The following ANO8 variants were observed in gnomAD, a reference collection of about 807,000 sequenced individuals.
ANO8 encodes anoctamin-8.
ANO8 carries 67 observed loss-of-function variants against 120.4 expected under a neutral mutation model. That is an observed-to-expected ratio of 0.56 (90% CI 0.46 to 0.68). The LOEUF (loss-of-function observed/expected upper bound fraction) is 0.68, where lower values mean the gene tolerates loss of function less well. ANO8 is among the 30% of genes least tolerant of loss of function. The pLI is 0.00. For missense variants in ANO8, 1,526 were observed against 1,737.6 expected (o/e 0.88, Z 2.16); for synonymous variants, 727 against 759.2 (o/e 0.96, Z 0.70).
Position 17,323,377 on chromosome 19 carries a change from G to T in ANO8, c.*140C>A. 3 of 666,840 alleles carry T rather than the reference G, an allele frequency of 4.5e-6. No homozygotes were observed. The highest frequency in any genetic ancestry group is 6.5e-6 in the Non-Finnish European group (3 of 463,520). 41.3% of individuals were successfully genotyped at this position (666,840 alleles called of 1,614,324 possible). ...TGGATTTGTGGGTTTCCTTTCGTTT[G>T]GAAAGGAAAACGGCAGATGGGGGGC... On this transcript the variant is annotated 3_prime_UTR_variant, in exon 18 of 18. Transcript: ENST00000159087.
At chr19:17,326,418 C>T (rs1046137260) in intron 16 of ANO8, among the ~76,000 whole-genome samples, 51 of 152,078 alleles carry the variant, frequency 3.4e-4, no homozygotes, top group African/African-American at 1.2e-3. Flanking sequence ...ATTGCTTAAA[C>T]CTGGGAGGTG....
rs772744211 is a variant in ANO8 at position 17,330,337 on chromosome 19, G to C, written c.1146+15C>G. ...AGGTACCAAGGACAGGGCGGGTGAG[G>C]GTATGGGGGGTCACCTGCAGCTGGA... On this transcript the variant is annotated intron_variant, in intron 9 of 17. Transcript: ENST00000159087. 16 of 1,606,432 alleles carry C rather than the reference G, an allele frequency of 1.0e-5. No individual in the cohort carries two copies. In the Admixed American group the frequency reaches 2.5e-4, roughly 25 times the overall value.
rs531235834 is a variant in ANO8, at chr19:17,323,298, ATAAT to A, written c.*215_*218del. 351 of 321,860 alleles carry A rather than the reference ATAAT, an allele frequency of 1.1e-3. 5 individuals are homozygous for A. In the Admixed American group the frequency reaches 0.012, roughly 11 times the overall value. 19.9% of individuals were successfully genotyped at this position (321,860 alleles called of 1,614,324 possible). ...GACAAAATAAATTAAAAACAAATAA[ATAAT>A]CGCCTGTTCTGTGTGTGTGTGTGTG... On this transcript the variant is annotated 3_prime_UTR_variant, in exon 18 of 18. Coordinates refer to ENST00000159087, the MANE Select transcript of ANO8 (RefSeq NM_020959.3).
intron 5 of ANO8, among the ~76,000 whole-genome samples, chr19:17,332,201 C>T (rs1006120025): frequency 1.3e-4 from 19 of 151,880 alleles, no homozygotes; most frequent in Non-Finnish European, 2.4e-4. Flanking sequence ...TCCCAAAGTG[C>T]TGAGATTACA....
rs766563339 is a variant in ANO8, at chr19:17,328,684, C to A, written c.1704G>T (p.Gly568=). The A allele has an allele frequency of 7.2e-7, 1 of 1,393,692 alleles. No homozygotes were observed. Among genetic ancestry groups the A allele is most frequent in the Admixed American group, 2.8e-5 (1 of 35,790 alleles). 86.3% of individuals were successfully genotyped at this position (1,393,692 alleles called of 1,614,324 possible). A position where few individuals can be genotyped will look rare whatever the true frequency, so the allele number is the denominator to read the frequency against. ...EAALVERRRA[G]EGGEEGDGPP... is the part of the protein sequence containing the mutation. ...GCCCGTCCCCCTCCTCCCCGCCTTCCCCCGCCCGCCGCCGCTCCACCAGCG... is the reference window on the plus strand; with the variant it reads ...GCCCGTCCCCCTCCTCCCCGCCTTCACCCGCCCGCCGCCGCTCCACCAGCG... The change falls in exon 13 of 18, where the codon GGG becomes GGT. Residue 568 remains glycine, a synonymous_variant. Coordinates refer to ENST00000159087, the MANE Select transcript of ANO8 (RefSeq NM_020959.3).
At position 17,330,420 on chromosome 19, in the gene ANO8, T is replaced by C; in HGVS notation, c.1078A>G (p.Ser360Gly). 1 of 1,575,406 alleles carries C rather than the reference T, an allele frequency of 6.3e-7. No individual in the cohort carries two copies. Among genetic ancestry groups the C allele is most frequent in the South Asian group, 1.2e-5 (1 of 86,652 alleles). ...AGGCACGCCAGGCACAGGGGGAGGCTCACAAGCAGCTGGAAGAGCAGCCGC... is the reference window on the plus strand; with the variant it reads ...AGGCACGCCAGGCACAGGGGGAGGCCCACAAGCAGCTGGAAGAGCAGCCGC... ...WKRLLFQLLV[S>G]LPLCLACLVC... The change falls in exon 9 of 18, where the codon AGC becomes GGC. Residue 360 changes from serine (S) to glycine (G), a missense_variant. Transcript: ENST00000159087.
intron 12 of ANO8, chr19:17,329,465 C>T (rs2074300865): frequency 4.1e-6 from 2 of 484,688 alleles, no homozygotes; most frequent in South Asian, 4.8e-5. Flanking sequence ...CAGGCGGAAC[C>T]GCAGGGCCGC....
rs1293538170 is a variant in ANO8, at chr19:17,327,778, G to A, written c.2329C>T (p.Leu777Phe). 1.2e-6 allele frequency: 2 copies of A among 1,614,204 alleles called. No individual in the cohort carries two copies. Among genetic ancestry groups the A allele is most frequent in the East Asian group, 2.2e-5 (1 of 44,884 alleles). The change falls in exon 14 of 18, where the codon CTC (leucine) becomes TTC (phenylalanine). Residue 777 changes from leucine to phenylalanine, a missense_variant. Leu to Phe is a conservative substitution (Grantham distance 22, BLOSUM62 0). This residue lies in a region of ANO8 where 77 missense variants were observed against 131.5 expected (regional missense o/e 0.59). Coordinates refer to ENST00000159087, the MANE Select transcript of ANO8 (RefSeq NM_020959.3). ...LAALCALVNN[L>F]IEIRSDAFKL... ...AAGGCGTCGCTGCGGATCTCAATGA[G>A]GTTGTTGACCAGGGCGCACAGCGCC...
At position 17,323,591 on chromosome 19, in the gene ANO8, G is replaced by C; in HGVS notation, c.3625C>G (p.Leu1209Val). The change falls in exon 18 of 18, where the codon CTC (leucine) becomes GTC (valine). Residue 1209 changes from leucine to valine, a missense_variant. This residue lies in a region of ANO8 where 489 missense variants were observed against 548.6 expected (regional missense o/e 0.89). Transcript: ENST00000159087. ...PPPLPPTSDP[L>V]ETPAPSPSPS... ...CTAGGGGAGGGCGCTGGGGTCTCGA[G>C]GGGATCCGAGGTGGGCGGTAGCGGT... 7.8e-7 allele frequency: 1 copy of C among 1,277,866 alleles called. No homozygotes were observed. Among genetic ancestry groups the C allele is most frequent in the Non-Finnish European group, 9.9e-7 (1 of 1,007,704 alleles). The allele number at this position is 1,277,866 out of a possible 1,614,324, so 79.2% of individuals were successfully genotyped here.
chr19:17,326,260 C>T (rs1231793841), intron 16 of ANO8, among the ~76,000 whole-genome samples: 1 of 152,172 alleles, frequency 6.6e-6, no homozygotes, highest in East Asian at 1.9e-4. Flanking sequence ...ATAATCCCAG[C>T]ACTTTGGGAG....
intron 16 of ANO8, 78 bp downstream of exon 16, chr19:17,327,157 A>C: frequency 8.0e-7 from 1 of 1,257,766 alleles, no homozygotes; most frequent in Non-Finnish European, 1.1e-6. Context: ...CCCTTACGCT[A>C]AGGAATTGGC....
In ANO8 at chr19:17,324,675, A is replaced by G. The variant is rs780755415; in HGVS notation, c.3331+42T>C. On this transcript the variant is annotated intron_variant, in intron 17 of 17. Coordinates refer to ENST00000159087, the MANE Select transcript of ANO8 (RefSeq NM_020959.3). ...GCCTGGCCACCCTACCCTATCCCCA[A>G]AGCCGGCCCGGCGTCCCCACCCCCG... 1.3e-5 allele frequency: 19 copies of G among 1,513,538 alleles called. No individual in the cohort carries two copies. The African/African-American group carries it at 2.1e-4, about 17-fold the overall frequency. The allele number at this position is 1,513,538 out of a possible 1,614,324, so 93.8% of individuals were successfully genotyped here. A position where few individuals can be genotyped will look rare whatever the true frequency, so the allele number is the denominator to read the frequency against.
intron 5 of ANO8, 88 bp from the exon 6 acceptor site, chr19:17,331,499 C>G (rs1301334119): frequency 8.4e-7 from 1 of 1,188,802 alleles, no homozygotes; most frequent in Admixed American, 1.7e-5. Context: ...CAAGTCACAG[C>G]TTTTTGCCTG....
chr19:17,334,747 C>T lies in ANO8; in HGVS notation c.-77G>A. 8.0e-7 allele frequency: 1 copy of T among 1,249,382 alleles called. No homozygotes were observed. Among genetic ancestry groups the T allele is most frequent in the Non-Finnish European group, 1.0e-6 (1 of 961,740 alleles). 77.4% of individuals were successfully genotyped at this position (1,249,382 alleles called of 1,614,324 possible). Reference sequence around the variant, plus strand: ...CGCGGGCTCATGGGGCCGGTGCAGCCGCGGAGCGCGCGGGAGGAGGAGACA... The same window carrying T: ...CGCGGGCTCATGGGGCCGGTGCAGCTGCGGAGCGCGCGGGAGGAGGAGACA... On this transcript the variant is annotated 5_prime_UTR_variant, in exon 1 of 18. Transcript: ENST00000159087.
In ANO8 at chr19:17,330,970, C is replaced by T; in HGVS notation, c.851G>A (p.Cys284Tyr). The T allele has an allele frequency of 6.2e-7, 1 of 1,614,180 alleles. No individual in the cohort carries two copies. The highest frequency in any genetic ancestry group is 8.5e-7 in the Non-Finnish European group (1 of 1,180,038). ...CACGTTGAAGAGGGCAAAGACCACG[C>T]AGGAAACATCCCGGCTTGTCTGTGA... Reference protein sequence around the residue: ...EADQTSRDVSCVVFALFNVIW... With the variant: ...EADQTSRDVSYVVFALFNVIW... Residue 284 changes from cysteine (C) to tyrosine (Y), a missense_variant, in exon 8 of 18, where the codon TGC (cysteine) becomes TAC (tyrosine). By Grantham distance (194) the Cys-to-Tyr change is radical. Coordinates refer to ENST00000159087, the MANE Select transcript of ANO8 (RefSeq NM_020959.3).
At position 17,324,804 on chromosome 19, in the gene ANO8, C is replaced by T; in HGVS notation, c.3244G>A (p.Gly1082Ser). 1 of 1,598,162 alleles carries T rather than the reference C, an allele frequency of 6.3e-7. No homozygotes were observed. Among genetic ancestry groups the T allele is most frequent in the Non-Finnish European group, 8.5e-7 (1 of 1,172,322 alleles). The stretch of plus-strand genomic sequence containing the variant: ...CCACTCCTCTGAACCCGGCTGCTGC[C>T]ACTGCTGGGGGTCCCATCTGGCCGG... Reference protein sequence around the residue: ...QARPDGTPSSGSSRVQRSGPV... With the variant: ...QARPDGTPSSSSSRVQRSGPV... Residue 1082 changes from glycine to serine, a missense_variant, in exon 17 of 18, where the codon GGC (glycine) becomes AGC (serine). Physicochemically the swap from Gly to Ser is moderately conservative, Grantham distance 56. Transcript: ENST00000159087.
chr19:17,327,075 T>C (rs977710555), intron 16 of ANO8, among the ~76,000 whole-genome samples, 160 bp downstream of exon 16: 1 of 152,126 alleles, frequency 6.6e-6, no homozygotes, highest in Non-Finnish European at 1.5e-5. Flanking sequence ...GCTGGGATCA[T>C]AGGAGTGAGC....
chr19:17,329,211 C>T, intron 12 of ANO8: 1 of 471,386 alleles, frequency 2.1e-6, no homozygotes, highest in Non-Finnish European at 3.7e-6. Flanking sequence ...CACGGGCAGG[C>T]CCAGCGCGTC....
intron 1 of ANO8, among the ~76,000 whole-genome samples, chr19:17,334,259 T>C (rs1013156469): frequency 4.6e-5 from 7 of 152,190 alleles, no homozygotes; most frequent in Non-Finnish European, 1.0e-4. Context: ...TGATTCTGTA[T>C]TCTTCGCGGA....
Sources: gnomAD v4.1 joint callset for allele counts (sites outside exome capture counted in the v4.1 genomes callset) on GRCh38, gnomAD v4.1.1 for gene constraint, gnomAD v4.1.1 regional missense constraint, MANE v1.5 for transcripts, NCBI Gene and HGNC (gene_info 2026-07-23, HGNC 2026-07-21) for gene names.